The following TNFAIP8L3 variants were observed in gnomAD, a reference collection of about 807,000 sequenced individuals.
The protein encoded by TNFAIP8L3 is tumor necrosis factor alpha-induced protein 8-like protein 3.
In TNFAIP8L3, 7 loss-of-function variants were observed where a neutral mutation model predicts 11.8. The observed-to-expected ratio is 0.59, with a 90% confidence interval of 0.34 to 1.11. The LOEUF (loss-of-function observed/expected upper bound fraction) is 1.11. Among genes scored for constraint, TNFAIP8L3 ranks in the 50% most tolerant of loss-of-function variants. TNFAIP8L3 has a pLI of 0.03. For missense variants in TNFAIP8L3, 219 were observed against 258.6 expected (o/e 0.85, Z 1.05); for synonymous variants, 98 against 103.8 (o/e 0.94, Z 0.34).
At chr15:51,081,660 AACAAC>A (rs1442893042) in intron 1 of TNFAIP8L3, among the ~76,000 whole-genome samples, 1 of 152,252 alleles carries the variant, frequency 6.6e-6, no homozygotes, top group Non-Finnish European at 1.5e-5. Context: ...GTTTTTTAAC[AACAAC>A]ACAACAGAAA....
chr15:51,067,939 T>C (rs2065282381), intron 1 of TNFAIP8L3, among the ~76,000 whole-genome samples: 2 of 152,350 alleles, frequency 1.3e-5, no homozygotes, highest in African/African-American at 4.8e-5. Flanking sequence ...TCTAATCAGA[T>C]CTGACAAGAA....
At chr15:51,076,790 C>T (rs2065353723) in intron 1 of TNFAIP8L3, among the ~76,000 whole-genome samples, 1 of 152,196 alleles carries the variant, frequency 6.6e-6, no homozygotes, top group Admixed American at 6.5e-5. Flanking sequence ...GCCATGGGCC[C>T]ATCTCTTTAC....
intron 1 of TNFAIP8L3, among the ~76,000 whole-genome samples, chr15:51,074,947 C>G (rs1218126314): frequency 6.6e-6 from 1 of 152,202 alleles, no homozygotes; most frequent in Non-Finnish European, 1.5e-5. Flanking sequence ...TGCGACTGGC[C>G]ATCTACTTTC....
intron 1 of TNFAIP8L3, among the ~76,000 whole-genome samples, chr15:51,078,507 G>C (rs1355561487): frequency 6.6e-6 from 1 of 151,694 alleles, no homozygotes; most frequent in African/African-American, 2.4e-5. Flanking sequence ...TTCATGTCTG[G>C]GTGTCCTCCT....
At chr15:51,076,493 G>T (rs1271379180) in intron 1 of TNFAIP8L3, among the ~76,000 whole-genome samples, 1 of 152,200 alleles carries the variant, frequency 6.6e-6, no homozygotes, top group East Asian at 1.9e-4. Flanking sequence ...GCTAAGAATA[G>T]AATTTTTTAT....
At chr15:51,086,031 G>A (rs936032768) in intron 1 of TNFAIP8L3, among the ~76,000 whole-genome samples, 2 of 152,122 alleles carry the variant, frequency 1.3e-5, no homozygotes, top group African/African-American at 2.4e-5. Context: ...TCACTATGTT[G>A]CACTCTCACC....
At position 51,057,634 on chromosome 15, in the gene TNFAIP8L3, T is replaced by A. The variant is rs1274073095; in HGVS notation, c.*247A>T. The A allele has an allele frequency of 2.4e-6, 1 of 418,990 alleles. No individual in the cohort carries two copies. The highest frequency in any genetic ancestry group is 4.2e-6 in the Non-Finnish European group (1 of 235,874). 26.0% of individuals were successfully genotyped at this position (418,990 alleles called of 1,614,324 possible). ...ACTGTAATGAACAAAACAGCCTTTC[T>A]GCTTAGAATAGATGAAATGTCCTTT... On this transcript the variant is annotated 3_prime_UTR_variant, in exon 2 of 2. Transcript: ENST00000637513.
chr15:51,065,755 T>A (rs892637196), intron 1 of TNFAIP8L3, among the ~76,000 whole-genome samples: 1 of 152,190 alleles, frequency 6.6e-6, no homozygotes, highest in Non-Finnish European at 1.5e-5. Context: ...TGTGGATAGC[T>A]GTGTCAAAAT....
At chr15:51,058,959 ATTC>A (rs1595603820) in intron 1 of TNFAIP8L3, among the ~76,000 whole-genome samples, 1 of 152,250 alleles carries the variant, frequency 6.6e-6, no homozygotes, top group South Asian at 2.1e-4. Flanking sequence ...TCTAAGAGGT[ATTC>A]TTTTGCTTTT....
At chr15:51,082,342 T>C (rs1595614892) in intron 1 of TNFAIP8L3, among the ~76,000 whole-genome samples, 1 of 152,140 alleles carries the variant, frequency 6.6e-6, no homozygotes, top group African/African-American at 2.4e-5. Flanking sequence ...ATGTATAAGG[T>C]ACAGTAAAAA....
At chr15:51,101,634 AAAAGAAAG>A (rs910882191) in intron 1 of TNFAIP8L3, among the ~76,000 whole-genome samples, 1 of 151,226 alleles carries the variant, frequency 6.6e-6, no homozygotes, top group African/African-American at 2.4e-5. Flanking sequence ...ACAAAAAAAA[AAAAGAAAG>A]AAAGAAAGAC....
At chr15:51,077,564 G>A (rs1251765838) in intron 1 of TNFAIP8L3, among the ~76,000 whole-genome samples, 1 of 152,182 alleles carries the variant, frequency 6.6e-6, no homozygotes, top group Non-Finnish European at 1.5e-5. Flanking sequence ...TCCGAGAGGG[G>A]AGACCTTTGA....
chr15:51,099,709 AC>A (rs2140986054), upstream of TNFAIP8L3, among the ~76,000 whole-genome samples: 1 of 152,232 alleles, frequency 6.6e-6, no homozygotes, highest in African/African-American at 2.4e-5. Context: ...ACCCTAAGTG[AC>A]TGTTGAGCTC....
intron 1 of TNFAIP8L3, chr15:51,064,917 T>A (rs560300420): frequency 3.9e-5 from 6 of 152,232 alleles, no homozygotes; most frequent in Non-Finnish European, 8.8e-5. Flanking sequence ...TGTTTATTAA[T>A]GGGGAAACAC....
chr15:51,104,518 C>T (rs986317671), intron 1 of TNFAIP8L3, among the ~76,000 whole-genome samples: 1 of 152,242 alleles, frequency 6.6e-6, no homozygotes, highest in Non-Finnish European at 1.5e-5. Context: ...TCTGTTTCTG[C>T]TCTCTGCCCT....
chr15:51,100,297 G>A (rs2065541245), intron 1 of TNFAIP8L3, among the ~76,000 whole-genome samples: 1 of 152,182 alleles, frequency 6.6e-6, no homozygotes, highest in African/African-American at 2.4e-5. Context: ...CCTACCCAGT[G>A]AGCTTTGATT....
In TNFAIP8L3 at chr15:51,094,490, C is replaced by T. The variant is rs1242788043; in HGVS notation, c.52+54G>A. On this transcript the variant is annotated intron_variant, in intron 1 of 1. Coordinates refer to ENST00000637513, the MANE Select transcript of TNFAIP8L3 (RefSeq NM_001311175.2). This position sits in a 1 kb window ranked among gnomAD's most constrained non-coding sequence, Gnocchi z 4.4. ...GCTTCCCGATTTCATGCCCCAGCCTCCCGTCCTCCCCAGCCCCAGCCCACC... is the reference window on the plus strand; with the variant it reads ...GCTTCCCGATTTCATGCCCCAGCCTTCCGTCCTCCCCAGCCCCAGCCCACC... The T allele has an allele frequency of 5.6e-6, 8 of 1,416,270 alleles. No individual in the cohort carries two copies. The Admixed American group carries it at 8.3e-5, about 15-fold the overall frequency. The allele number at this position is 1,416,270 out of a possible 1,614,324, so 87.7% of individuals were successfully genotyped here.
chr15:51,083,360 G>A (rs1376561424), intron 1 of TNFAIP8L3, among the ~76,000 whole-genome samples: 1 of 152,122 alleles, frequency 6.6e-6, no homozygotes. Flanking sequence ...GTTACAACAG[G>A]CTTTTAAATG....
chr15:51,104,416 C>T (rs1938060550), intron 1 of TNFAIP8L3, among the ~76,000 whole-genome samples: 1 of 152,182 alleles, frequency 6.6e-6, no homozygotes, highest in Non-Finnish European at 1.5e-5. Context: ...ACAGGAGAGT[C>T]CTGAATATAC....
Sources: gnomAD v4.1 joint callset for allele counts (sites outside exome capture counted in the v4.1 genomes callset) on GRCh38, gnomAD v4.1.1 for gene constraint, Gnocchi (gnomAD v3.1) non-coding constraint, MANE v1.5 for transcripts, NCBI Gene and HGNC (gene_info 2026-07-23, HGNC 2026-07-21) for gene names.